Variants in ASB15 observed in about 807,000 individuals in gnomAD.
The protein encoded by ASB15 is ankyrin repeat and SOCS box containing 15, also known as ankyrin repeat and SOCS box protein 15.
Under a neutral mutation model 58.0 loss-of-function variants are expected in ASB15, and 54 were observed. The observed-to-expected ratio is 0.93, with a 90% CI of 0.75 to 1.17. The LOEUF (loss-of-function observed/expected upper bound fraction) is 1.17. ASB15 is among the 50% of genes most tolerant of loss of function. The pLI is 0.00. For missense variants in ASB15, 680 were observed against 707.4 expected, an observed-to-expected ratio of 0.96 and a Z score of 0.44; for synonymous variants, 249 against 262.4, an observed-to-expected ratio of 0.95 and a Z score of 0.50.
At chr7:123,622,527 T>A (rs1266110483) in intron 7 of ASB15, among the ~76,000 whole-genome samples, 3 of 152,202 alleles carry the variant, frequency 2.0e-5, no homozygotes, top group African/African-American at 2.4e-5. Context: ...TTTGATTTTT[T>A]AAAAACTATC....
intron 9 of ASB15, among the ~76,000 whole-genome samples, chr7:123,628,069 C>A (rs1358744452): frequency 2.6e-5 from 4 of 152,194 alleles, no homozygotes; most frequent in Non-Finnish European, 5.9e-5. Context: ...TTGCCTGTGA[C>A]TCTCATACAT....
intron 9 of ASB15, among the ~76,000 whole-genome samples, chr7:123,628,122 A>G (rs1801909803): frequency 6.6e-6 from 1 of 152,216 alleles, no homozygotes; most frequent in Non-Finnish European, 1.5e-5. Flanking sequence ...ACTATATCAC[A>G]TGTACTTAGA....
chr7:123,605,332 G>A (rs202095188), intron 2 of ASB15, among the ~76,000 whole-genome samples: 2 of 152,096 alleles, frequency 1.3e-5, no homozygotes, highest in East Asian at 3.9e-4. Flanking sequence ...CTACTAAAAA[G>A]TCAAAAAATA....
At chr7:123,635,892 G>A (rs1435210766) in intron 11 of ASB15, among the ~76,000 whole-genome samples, 1 of 152,038 alleles carries the variant, frequency 6.6e-6, no homozygotes, top group Non-Finnish European at 1.5e-5. Context: ...AATTTTAAAA[G>A]ATAAATTGTT....
upstream of ASB15, chr7:123,598,898 T>G (rs1427442652): frequency 6.6e-6 from 1 of 152,210 alleles, no homozygotes; most frequent in South Asian, 2.1e-4. Context: ...AGGAGTTCAG[T>G]GCTAATAGAT....
chr7:123,570,058 G>A (rs59029749), intron 1 of ASB15, among the ~76,000 whole-genome samples: 12,943 of 134,234 alleles, frequency 0.096, 728 homozygotes, highest in African/African-American at 0.16. Flanking sequence ...TTTTTGAGAC[G>A]GAGTCTGGCT....
At chr7:123,614,297 G>A (rs1584777753) in intron 3 of ASB15, 2 of 463,784 alleles carry the variant, frequency 4.3e-6, no homozygotes, top group Admixed American at 4.4e-5. Flanking sequence ...GGTCATTAAA[G>A]GTTTCAACAG....
At chr7:123,633,637 G>A (rs113071074) in intron 11 of ASB15, among the ~76,000 whole-genome samples, 4 of 150,214 alleles carry the variant, frequency 2.7e-5, no homozygotes, top group African/African-American at 7.4e-5. Context: ...GTGTGTGCAC[G>A]CGCGCGCACG....
intron 3 of ASB15, among the ~76,000 whole-genome samples, chr7:123,609,633 A>G (rs942731129): frequency 1.3e-5 from 2 of 152,220 alleles, no homozygotes; most frequent in African/African-American, 4.8e-5. Context: ...ACAGATCTGC[A>G]TGTAAGCAGG....
intron 9 of ASB15, among the ~76,000 whole-genome samples, chr7:123,628,520 T>C (rs544387417): frequency 5.9e-5 from 9 of 152,344 alleles, no homozygotes; most frequent in African/African-American, 2.2e-4. Flanking sequence ...ACTTTTCTTC[T>C]ACATTTTTAA....
chr7:123,636,047 A>C (rs886624970), intron 11 of ASB15, among the ~76,000 whole-genome samples: 2 of 152,106 alleles, frequency 1.3e-5, no homozygotes, highest in Non-Finnish European at 2.9e-5. Flanking sequence ...CTACGAGATA[A>C]GTACTGTTGT....
At chr7:123,572,361 G>A (rs1035365155) in intron 1 of ASB15, among the ~76,000 whole-genome samples, 1 of 151,182 alleles carries the variant, frequency 6.6e-6, no homozygotes, top group East Asian at 1.9e-4. Flanking sequence ...GGACGGTCTC[G>A]ATCTCTTGAC....
chr7:123,620,761 AC>A (rs1801268919), intron 7 of ASB15, among the ~76,000 whole-genome samples: 1 of 149,662 alleles, frequency 6.7e-6, no homozygotes, highest in Non-Finnish European at 1.5e-5. Context: ...ACAGGGTTTC[AC>A]CATGTTAGCT....
chr7:123,629,220 AT>A lies in ASB15; in HGVS notation c.1230del (p.Phe410LeufsTer4). 1 of 1,613,878 alleles carries A rather than the reference AT, an allele frequency of 6.2e-7. No individual in the cohort carries two copies. Among genetic ancestry groups the A allele is most frequent in the Non-Finnish European group, 8.5e-7 (1 of 1,179,788 alleles). On this transcript the variant is annotated frameshift_variant, in exon 10 of 12. Transcript: ENST00000451215. LOFTEE classifies it high-confidence loss of function. ...TCCCATGGAGCTAATGTCAATTGTT[AT>A]TTTATGCATGTGAATGACACTCGTT... Reference protein sequence around the residue: ...LLSHGANVNCYFMHVNDTRFP... With the variant: ...LLSHGANVNCXFMHVNDTRFP...
chr7:123,570,512 A>G (rs920873917), intron 1 of ASB15, among the ~76,000 whole-genome samples: 4 of 151,930 alleles, frequency 2.6e-5, no homozygotes, highest in Non-Finnish European at 5.9e-5. Flanking sequence ...TTCTGGAATG[A>G]TCTGGGCATG....
At chr7:123,572,097 GTTTTACAGTGA>G (rs1359923270) in intron 1 of ASB15, among the ~76,000 whole-genome samples, 97 of 98,352 alleles carry the variant, frequency 9.9e-4, no homozygotes, top group African/African-American at 3.4e-3. Context: ...CAGTTGTCTT[GTTTTACAGTGA>G]TTTTACAGTG....
chr7:123,631,868 G>T (rs1405022815), intron 11 of ASB15, among the ~76,000 whole-genome samples: 1 of 152,116 alleles, frequency 6.6e-6, no homozygotes, highest in Non-Finnish European at 1.5e-5. Flanking sequence ...CACGAGGTCA[G>T]GAGATCGAGA....
Position 123,629,339 on chromosome 7 carries a change from A to G in ASB15, c.1345A>G (p.Met449Val). ...GYQVEMCFDCMHGDIFGNSFV... is the reference protein window; with the variant it reads ...GYQVEMCFDCVHGDIFGNSFV... ...TCAAGTGGAGATGTGCTTTGACTGC[A>G]TGCATGGTGACATCTTTGGAAATTC... Residue 449 changes from methionine (M) to valine (V), a missense_variant, in exon 10 of 12, where the codon ATG (methionine) becomes GTG (valine). Transcript: ENST00000451215. The G allele has an allele frequency of 6.2e-7, 1 of 1,614,110 alleles. No homozygotes were observed. Among genetic ancestry groups the G allele is most frequent in the Non-Finnish European group, 8.5e-7 (1 of 1,179,968 alleles).
chr7:123,621,503 T>C (rs1472324901), intron 7 of ASB15: 4 of 152,196 alleles, frequency 2.6e-5, no homozygotes, highest in Non-Finnish European at 1.5e-5. Context: ...ATGGTCTTCT[T>C]TGAGATTTGC....
Sources: gnomAD v4.1 joint callset for allele counts (sites outside exome capture counted in the v4.1 genomes callset) on GRCh38, gnomAD v4.1.1 for gene constraint, MANE v1.5 for transcripts, NCBI Gene and HGNC (gene_info 2026-07-23, HGNC 2026-07-21) for gene names.